KLHL2: variants seen among roughly 807,000 people sequenced by gnomAD.
KLHL2 encodes the protein kelch-like protein 2.
In KLHL2, 15 loss-of-function variants were observed where a neutral mutation model predicts 75.8. The observed-to-expected ratio is 0.20, with a 90% CI of 0.13 to 0.30. KLHL2 has a LOEUF of 0.30. KLHL2 is among the 10% of genes least tolerant of loss of function. KLHL2 has a pLI of 1.00. For missense variants in KLHL2, 381 were observed against 741.0 expected, an observed-to-expected ratio of 0.51 and a Z score of 5.64; for synonymous variants, 214 against 251.9, an observed-to-expected ratio of 0.85 and a Z score of 1.42.
intron 5 of KLHL2, chr4:165,277,940 T>C (rs1379005813): frequency 6.4e-6 from 6 of 944,034 alleles, no homozygotes; most frequent in East Asian, 4.8e-5. Flanking sequence ...GTTCTTTCAT[T>C]ATGTAAAAAG....
At chr4:165,278,779 T>C (rs1428660487) in intron 5 of KLHL2, 2 of 1,550,640 alleles carry the variant, frequency 1.3e-6, no homozygotes, top group East Asian at 4.5e-5. Context: ...ACTTATGGCC[T>C]GTATTACATA....
At chr4:165,249,450 A>G (rs1177902225) in intron 4 of KLHL2, among the ~76,000 whole-genome samples, 1 of 152,204 alleles carries the variant, frequency 6.6e-6, no homozygotes, top group Non-Finnish European at 1.5e-5. Context: ...TGAGCAGGGA[A>G]TCACAAGGAA....
rs144663720 is a variant in KLHL2 at position 165,241,646 on chromosome 4, G to A, written c.381+2747G>A. ...TAATATTGGGCTAGAAAGTATCTTT[G>A]GGATTGCATGTTTTGATGCAGAATC... is the stretch of plus-strand genomic sequence containing the variant. On this transcript the variant is annotated intron_variant, in intron 4 of 14. Transcript: ENST00000226725. Among the ~76,000 whole-genome samples the A allele has an allele frequency of 3.8e-4, 58 of 152,252 alleles. No individual in the cohort carries two copies. In the East Asian group the frequency reaches 0.011, roughly 29 times the overall value.
chr4:165,249,200 A>G (rs1740490678), intron 4 of KLHL2, among the ~76,000 whole-genome samples: 1 of 152,200 alleles, frequency 6.6e-6, no homozygotes, highest in Non-Finnish European at 1.5e-5. Context: ...TGCCCAATCT[A>G]TTTCTTGGCT....
chr4:165,258,835 A>G (rs776717481), intron 4 of KLHL2, among the ~76,000 whole-genome samples: 54 of 152,350 alleles, frequency 3.5e-4, no homozygotes, highest in Non-Finnish European at 5.6e-4. Flanking sequence ...TCAGAATTAC[A>G]TTAGATATTG....
chr4:165,270,889 G>A (rs1425430335), intron 5 of KLHL2, among the ~76,000 whole-genome samples: 3 of 152,204 alleles, frequency 2.0e-5, no homozygotes, highest in Admixed American at 1.3e-4. Context: ...GTCTGCAGAA[G>A]CGGTCTGCTG....
At chr4:165,317,434 C>T (rs1017707764) in intron 13 of KLHL2, among the ~76,000 whole-genome samples, 2 of 151,206 alleles carry the variant, frequency 1.3e-5, no homozygotes, top group Admixed American at 6.6e-5. Flanking sequence ...GTGGTCTTGG[C>T]TCTCTGTAGC....
At chr4:165,295,967 T>A (rs953773535) in intron 6 of KLHL2, among the ~76,000 whole-genome samples, 10 of 152,350 alleles carry the variant, frequency 6.6e-5, no homozygotes, top group African/African-American at 2.4e-4. Flanking sequence ...AGAAATATCA[T>A]GAGGGCTGTT....
intron 5 of KLHL2, among the ~76,000 whole-genome samples, chr4:165,264,514 C>T (rs1210637142): frequency 6.6e-6 from 1 of 150,446 alleles, no homozygotes; most frequent in African/African-American, 2.4e-5. Flanking sequence ...AGAATAATGG[C>T]CTCCGGTTTC....
intron 4 of KLHL2, among the ~76,000 whole-genome samples, chr4:165,251,898 C>G (rs917279308): frequency 1.3e-5 from 2 of 152,082 alleles, no homozygotes; most frequent in African/African-American, 4.8e-5. Context: ...CGTGAGCCAC[C>G]GCGCCCGGCC....
intron 2 of KLHL2, among the ~76,000 whole-genome samples, chr4:165,228,094 C>T (rs1409413411): frequency 5.3e-5 from 8 of 152,204 alleles, no homozygotes; most frequent in African/African-American, 1.4e-4. Context: ...GGCTGGGTTT[C>T]GCCATGTTGG....
At position 165,214,905 on chromosome 4, in the gene KLHL2, T is replaced by TC. The variant is rs544859866; in HGVS notation, c.27-5028dup. Among the ~76,000 whole-genome samples, 555 of 150,816 alleles carry TC rather than the reference T, an allele frequency of 3.7e-3. 1 individual carries two copies. The highest frequency in any genetic ancestry group is 6.5e-3 in the Non-Finnish European group (437 of 67,550). ...TGCAAGATCAGAAGTTTTTTTTTTT[T>TC]CTTGGAGAAGTAAGTAATACAAAGA... On this transcript the variant is annotated intron_variant, in intron 1 of 14. Coordinates refer to ENST00000226725, the MANE Select transcript of KLHL2 (RefSeq NM_007246.4).
intron 1 of KLHL2, among the ~76,000 whole-genome samples, chr4:165,211,233 G>T (rs1351927969): frequency 6.6e-6 from 1 of 152,062 alleles, no homozygotes; most frequent in African/African-American, 2.4e-5. Flanking sequence ...CTAAGTAAAA[G>T]AATTATTTAT....
intron 5 of KLHL2, among the ~76,000 whole-genome samples, chr4:165,264,322 G>C (rs1192105531): frequency 6.6e-6 from 1 of 151,430 alleles, no homozygotes; most frequent in Non-Finnish European, 1.5e-5. Flanking sequence ...CGTCACCTGA[G>C]TAGTAGACAT....
chr4:165,234,572 G>A (rs1739173438), intron 3 of KLHL2, among the ~76,000 whole-genome samples: 1 of 147,034 alleles, frequency 6.8e-6, no homozygotes, highest in Admixed American at 6.8e-5. Context: ...ACCAGTTTAT[G>A]TTGGGCTTCA....
chr4:165,223,310 A>C (rs1439222401), intron 2 of KLHL2, among the ~76,000 whole-genome samples: 2 of 152,246 alleles, frequency 1.3e-5, no homozygotes, highest in African/African-American at 2.4e-5. Flanking sequence ...TGCTGGACAC[A>C]TACAGAGAGG....
chr4:165,305,080 G>A lies in KLHL2; in HGVS notation c.922-528G>A, dbSNP rs1440868202. ...CAGGAAAGGTCTCTACTGGAGATTC[G>A]GGAATCTGTACTCTTGTGAGCTCCA... On this transcript the variant is annotated intron_variant, in intron 8 of 14. Coordinates refer to ENST00000226725, the MANE Select transcript of KLHL2 (RefSeq NM_007246.4). 6.6e-5 allele frequency among the ~76,000 whole-genome samples: 10 copies of A among 151,992 alleles called. No individual in the cohort carries two copies. In the East Asian group the frequency reaches 1.5e-3, roughly 24 times the overall value.
intron 5 of KLHL2, among the ~76,000 whole-genome samples, chr4:165,272,090 C>T (rs1446059937): frequency 1.3e-5 from 2 of 152,238 alleles, no homozygotes; most frequent in South Asian, 2.1e-4. Context: ...CAGTGCTTCA[C>T]TAAATCACAG....
chr4:165,285,168 T>C (rs1743991076), intron 5 of KLHL2, among the ~76,000 whole-genome samples: 1 of 152,202 alleles, frequency 6.6e-6, no homozygotes, highest in African/African-American at 2.4e-5. Context: ...AACCATTTAT[T>C]GTGAAAATTT....
Sources: gnomAD v4.1 joint callset for allele counts (sites outside exome capture counted in the v4.1 genomes callset) on GRCh38, gnomAD v4.1.1 for gene constraint, MANE v1.5 for transcripts, NCBI Gene and HGNC (gene_info 2026-07-23, HGNC 2026-07-21) for gene names.